GRM4: variants seen among roughly 807,000 people sequenced by gnomAD.
The protein encoded by GRM4 is glutamate metabotropic receptor 4.
Under a neutral mutation model 81.7 loss-of-function variants are expected in GRM4, and 28 were observed. The ratio of observed to expected loss-of-function variants is 0.34; its 90% CI spans 0.25 to 0.47. The LOEUF is 0.47. GRM4 is among the 20% of genes least tolerant of loss of function. The pLI, the probability that GRM4 is intolerant of heterozygous loss-of-function variation, is 1.00. For missense variants in GRM4, 948 were observed against 1,290.0 expected (o/e 0.73, Z 4.06); for synonymous variants, 488 against 528.8 (o/e 0.92, Z 1.06).
At position 34,133,218 on chromosome 6, in the gene GRM4, C is replaced by T. The variant is rs1770319339; in HGVS notation, c.279G>A (p.Pro93=). 17 of 1,614,004 alleles carry T rather than the reference C, an allele frequency of 1.1e-5. No individual in the cohort carries two copies. The highest frequency in any genetic ancestry group is 1.6e-4 in the Middle Eastern group (1 of 6,084). Residue 93 remains proline, a synonymous_variant, in exon 2 of 11, where the codon CCG becomes CCA. Transcript: ENST00000538487. The surrounding 1 kb of genome is among the most constrained non-coding windows in gnomAD (Gnocchi z 6.5). ...LFALDRINND[P]DLLPNITLGA... Reference sequence around the variant, plus strand: ...CCAGCGTGATGTTAGGCAGCAGGTCCGGGTCGTTGTTGATGCGATCCAGGG... The same window carrying T: ...CCAGCGTGATGTTAGGCAGCAGGTCTGGGTCGTTGTTGATGCGATCCAGGG...
At chr6:34,063,932 G>A (rs1253452369) in intron 3 of GRM4, among the ~76,000 whole-genome samples, 1 of 152,196 alleles carries the variant, frequency 6.6e-6, no homozygotes, top group Non-Finnish European at 1.5e-5. Context: ...AGGAAGGCAG[G>A]AGAAGGGAGT....
chr6:34,040,119 C>A, intron 8 of GRM4, 59 bp downstream of exon 8: 1 of 1,553,618 alleles, frequency 6.4e-7, no homozygotes, highest in Non-Finnish European at 8.9e-7. Context: ...TTGGGCCCCC[C>A]TCCCAGGGGC....
chr6:34,027,692 G>A (rs1214773084), intron 10 of GRM4, among the ~76,000 whole-genome samples: 2 of 152,198 alleles, frequency 1.3e-5, no homozygotes, highest in Admixed American at 6.5e-5. Flanking sequence ...CCCCGGGGAC[G>A]ATTCCTTCTC....
intron 5 of GRM4, among the ~76,000 whole-genome samples, chr6:34,057,382 C>T (rs1266218578): frequency 1.3e-5 from 2 of 152,220 alleles, no homozygotes; most frequent in Non-Finnish European, 2.9e-5. Context: ...GAGCTTCCTG[C>T]CCATGGAAGC....
intron 2 of GRM4, among the ~76,000 whole-genome samples, chr6:34,132,679 G>T (rs1428601548): frequency 2.0e-5 from 3 of 152,186 alleles, no homozygotes; most frequent in Non-Finnish European, 2.9e-5. Flanking sequence ...CCAGAGAGGA[G>T]TGGAGTTGCT....
rs781304278 is a variant in GRM4 at position 34,136,043 on chromosome 6, A to C, written c.-363-2184T>G. On this transcript the variant is annotated intron_variant, in intron 1 of 10. Coordinates refer to ENST00000538487, the MANE Select transcript of GRM4 (RefSeq NM_000841.4). The surrounding 1 kb of genome is among the most constrained non-coding windows in gnomAD (Gnocchi z 4.1). The stretch of plus-strand genomic sequence containing the variant: ...GGTGGGAGAGCCTGCACAGTTAAAC[A>C]CCATCCTGTCCAAATGCCGACGGTG... 2.0e-5 allele frequency among the ~76,000 whole-genome samples: 3 copies of C among 152,184 alleles called. No homozygotes were observed. The highest frequency in any genetic ancestry group is 4.4e-5 in the Non-Finnish European group (3 of 68,028).
chr6:34,100,077 T>C (rs1768753073), intron 2 of GRM4: 1 of 981,700 alleles, frequency 1.0e-6, no homozygotes, highest in African/African-American at 1.7e-5. Context: ...GCCCTGAGCA[T>C]CTGGTCACTC....
At position 34,068,773 on chromosome 6, in the gene GRM4, G is replaced by A. The variant is rs1766622708; in HGVS notation, c.737-6745C>T. Among the ~76,000 whole-genome samples, 1 of 152,058 alleles carries A rather than the reference G, an allele frequency of 6.6e-6. No homozygotes were observed. Among genetic ancestry groups the A allele is most frequent in the Non-Finnish European group, 1.5e-5 (1 of 68,008 alleles). ...CAGGGGTCCCCCAGGCTGTCACCTT[G>A]GACACTGGGCTCCAGACAAGGAAGG... On this transcript the variant is annotated intron_variant, in intron 3 of 10. Transcript: ENST00000538487. This position sits in a 1 kb window ranked among gnomAD's most constrained non-coding sequence, Gnocchi z 4.2.
At chr6:34,100,449 G>A (rs541456651) in intron 2 of GRM4, among the ~76,000 whole-genome samples, 4 of 152,150 alleles carry the variant, frequency 2.6e-5, no homozygotes, top group East Asian at 3.8e-4. Context: ...AACTGGCCAC[G>A]AGGCCCATGG....
rs922511044 is a variant in GRM4 at position 34,111,456 on chromosome 6, A to T, written c.520-19357T>A. Among the ~76,000 whole-genome samples, 1 of 152,172 alleles carries T rather than the reference A, an allele frequency of 6.6e-6. No homozygotes were observed. Among genetic ancestry groups the T allele is most frequent in the African/African-American group, 2.4e-5 (1 of 41,428 alleles). On this transcript the variant is annotated intron_variant, in intron 2 of 10. Coordinates refer to ENST00000538487, the MANE Select transcript of GRM4 (RefSeq NM_000841.4). This position sits in a 1 kb window ranked among gnomAD's most constrained non-coding sequence, Gnocchi z 5.1. ...CAGCACTGGTGGAGGCAGCATTAAC[A>T]GTGTATTTTGGGGAGCACAAGAGAG...
chr6:34,093,175 A>G (rs951413715), intron 2 of GRM4, among the ~76,000 whole-genome samples: 1 of 152,210 alleles, frequency 6.6e-6, no homozygotes, highest in Non-Finnish European at 1.5e-5. Flanking sequence ...CTGTGGCCAG[A>G]CTTCAGGCCC....
In GRM4 at chr6:34,039,565, G is replaced by A. The variant is rs1033965173; in HGVS notation, c.1506+613C>T. On this transcript the variant is annotated intron_variant, in intron 8 of 10. Coordinates refer to ENST00000538487, the MANE Select transcript of GRM4 (RefSeq NM_000841.4). ...AAACACTGCTCTGTTTCACAGCTGG[G>A]ATACTGAGGGCCAGAGAGGGAAAGT... Among the ~76,000 whole-genome samples the A allele has an allele frequency of 7.2e-5, 11 of 152,332 alleles. 1 individual carries two copies. The highest frequency in any genetic ancestry group is 2.4e-4 in the African/African-American group (10 of 41,574).
chr6:34,108,245 C>T (rs1337087740), intron 2 of GRM4, among the ~76,000 whole-genome samples: 1 of 152,352 alleles, frequency 6.6e-6, no homozygotes, highest in East Asian at 1.9e-4. Flanking sequence ...CCTTCCTGTG[C>T]CCCAGGTTTC....
At chr6:34,087,697 C>CA (rs765050836) in intron 3 of GRM4, among the ~76,000 whole-genome samples, 1 of 115,826 alleles carries the variant, frequency 8.6e-6, no homozygotes, top group African/African-American at 5.1e-5. Context: ...CACACACACA[C>CA]AACCCCCCCC....
chr6:34,034,060 C>A lies in GRM4; in HGVS notation c.2442+1608G>T, dbSNP rs965849402. Among the ~76,000 whole-genome samples, 1 of 152,178 alleles carries A rather than the reference C, an allele frequency of 6.6e-6. No individual in the cohort carries two copies. The highest frequency in any genetic ancestry group is 2.4e-5 in the African/African-American group (1 of 41,446). ...AGCCTTGGGCTCACAGCTCTAGATG[C>A]CAGGCTCAGGCTGACAACTCCTCAG... On this transcript the variant is annotated intron_variant, in intron 9 of 10. Transcript: ENST00000538487. The surrounding 1 kb of genome is among the most constrained non-coding windows in gnomAD (Gnocchi z 4.0).
Position 34,115,333 on chromosome 6 carries a change from C to T in GRM4, c.519+17645G>A, listed in dbSNP as rs1183512539. 1.3e-5 allele frequency among the ~76,000 whole-genome samples: 2 copies of T among 152,228 alleles called. No individual in the cohort carries two copies. The highest frequency in any genetic ancestry group is 2.9e-5 in the Non-Finnish European group (2 of 68,042). On this transcript the variant is annotated intron_variant, in intron 2 of 10. Transcript: ENST00000538487. The surrounding 1 kb of genome is among the most constrained non-coding windows in gnomAD (Gnocchi z 4.1). ...ACAGCCACTGCTGAATTATTTATTC[C>T]CTACATTGTTAGCGCAGTAGAGAGA...
intron 2 of GRM4, among the ~76,000 whole-genome samples, chr6:34,098,237 A>G (rs1049683769): frequency 3.9e-5 from 6 of 152,220 alleles, no homozygotes; most frequent in African/African-American, 1.4e-4. Flanking sequence ...CAGGGCTAGG[A>G]TCACTGTGCC....
chr6:34,112,052 A>G (rs547240834), intron 2 of GRM4, among the ~76,000 whole-genome samples: 1 of 152,296 alleles, frequency 6.6e-6, no homozygotes, highest in African/African-American at 2.4e-5. Context: ...ACTCCTGGAA[A>G]GCCCTGCTTC....
chr6:34,141,618 G>A (rs80131146), intron 1 of GRM4, among the ~76,000 whole-genome samples: 1,755 of 144,390 alleles, frequency 0.012, 64 homozygotes, highest in East Asian at 0.12. Flanking sequence ...TGTGGTGCTC[G>A]TTTTTCCAAG....
Sources: gnomAD v4.1 joint callset for allele counts (sites outside exome capture counted in the v4.1 genomes callset) on GRCh38, gnomAD v4.1.1 for gene constraint, Gnocchi (gnomAD v3.1) non-coding constraint, MANE v1.5 for transcripts, NCBI Gene and HGNC (gene_info 2026-07-23, HGNC 2026-07-21) for gene names.